The following CTBP2 variants were observed in gnomAD, a reference collection of about 807,000 sequenced individuals.
CTBP2 encodes the protein C-terminal-binding protein 2.
In CTBP2, 30 loss-of-function variants were observed where a neutral mutation model predicts 80.3. That is an observed-to-expected ratio of 0.37 (90% confidence interval 0.28 to 0.51). CTBP2 has a LOEUF of 0.51. CTBP2 is among the 20% of genes least tolerant of loss of function. The pLI is 0.93. For missense variants in CTBP2, 1,212 were observed against 1,375.3 expected (o/e 0.88, Z 1.88); for synonymous variants, 594 against 587.4 (o/e 1.01, Z -0.16).
intron 5 of CTBP2, 21 bp from the exon 8 acceptor site, chr10:124,994,006 C>CAACCG (rs774904727): frequency 6.2e-7 from 1 of 1,613,314 alleles, no homozygotes; most frequent in Admixed American, 1.7e-5. Context: ...AAAGAAAAGC[C>CAACCG]GGTTACAGGC....
At chr10:125,020,753 C>T (rs575727477) in intron 1 of CTBP2, among the ~76,000 whole-genome samples, 7 of 152,320 alleles carry the variant, frequency 4.6e-5, no homozygotes, top group Non-Finnish European at 7.4e-5. Flanking sequence ...CTGAGACTCA[C>T]GACCCCAGCC....
intron 8 of CTBP2, 42 bp from the exon 11 acceptor site, chr10:124,989,740 G>C (rs1952336026): frequency 6.6e-7 from 1 of 1,507,622 alleles, no homozygotes; most frequent in Non-Finnish European, 8.9e-7. Flanking sequence ...GTTCAGGGCA[G>C]AGTTGCCAAG....
At chr10:125,120,515 T>A (rs1292233235) in intron 1 of CTBP2, among the ~76,000 whole-genome samples, 1 of 152,108 alleles carries the variant, frequency 6.6e-6, no homozygotes, top group Non-Finnish European at 1.5e-5. Flanking sequence ...GCCTCCTGAG[T>A]AGCTGGGATT....
At chr10:125,061,190 C>A (rs937541740) in intron 2 of CTBP2, among the ~76,000 whole-genome samples, 5 of 152,248 alleles carry the variant, frequency 3.3e-5, no homozygotes, top group Non-Finnish European at 7.3e-5. Context: ...GTTTTCAGGG[C>A]TAAGCAAATT....
intron 1 of CTBP2, among the ~76,000 whole-genome samples, chr10:125,004,746 A>G (rs1955006772): frequency 6.6e-6 from 1 of 152,088 alleles, no homozygotes; most frequent in African/African-American, 2.4e-5. Flanking sequence ...GGTCCAGGCC[A>G]TTGCTCCAGG....
chr10:125,077,594 A>G (rs1846471655), intron 2 of CTBP2, among the ~76,000 whole-genome samples: 1 of 152,212 alleles, frequency 6.6e-6, no homozygotes, highest in South Asian at 2.1e-4. Flanking sequence ...GCCACATCCA[A>G]CAGCACATTC....
chr10:125,050,923 T>C (rs1317724250), intron 2 of CTBP2, among the ~76,000 whole-genome samples: 1 of 152,078 alleles, frequency 6.6e-6, no homozygotes, highest in African/African-American at 2.4e-5. Context: ...TGCACCAAAG[T>C]CCTCTGGAGA....
chr10:125,001,180 T>A (rs1263764169), intron 3 of CTBP2: 2 of 152,172 alleles, frequency 1.3e-5, no homozygotes, highest in African/African-American at 4.8e-5. Flanking sequence ...AAATAGGAAG[T>A]TCCACAGGCA....
At chr10:125,160,436 G>GC (rs929043878) in exon 1 of CTBP2, 10 of 151,534 alleles carry the variant, frequency 6.6e-5, no homozygotes, top group East Asian at 2.0e-4. Context: ...CGGCTGTGCG[G>GC]CCCCCCCTCA....
intron 1 of CTBP2, among the ~76,000 whole-genome samples, chr10:125,020,949 G>A (rs187632256): frequency 3.3e-5 from 5 of 152,346 alleles, no homozygotes; most frequent in African/African-American, 1.2e-4. Flanking sequence ...AGGCCTAGGA[G>A]AGCAGTCTTT....
intron 2 of CTBP2, among the ~76,000 whole-genome samples, chr10:125,054,224 G>A (rs1444235994): frequency 6.6e-6 from 1 of 152,224 alleles, no homozygotes; most frequent in Non-Finnish European, 1.5e-5. Context: ...TGGAATTCAT[G>A]TCCTTGTACA....
intron 2 of CTBP2, among the ~76,000 whole-genome samples, chr10:125,047,988 G>A (rs1961688745): frequency 1.3e-5 from 2 of 152,260 alleles, no homozygotes; most frequent in Non-Finnish European, 2.9e-5. Context: ...GCCTCAGAGA[G>A]GCCTGGAATC....
At position 125,026,509 on chromosome 10, in the gene CTBP2, C is replaced by A; in HGVS notation, c.1251G>T (p.Thr417=). 1 of 1,597,272 alleles carries A rather than the reference C, an allele frequency of 6.3e-7. No homozygotes were observed. Among genetic ancestry groups the A allele is most frequent in the Non-Finnish European group, 8.5e-7 (1 of 1,170,318 alleles). Residue 417 remains threonine (T), a synonymous_variant, in exon 1 of 9, where the codon ACG becomes ACT. Coordinates refer to ENST00000309035, the MANE Select transcript of CTBP2 (RefSeq NM_022802.3). ...CGCCAGGGGCAGAATAGGTGGCTGC[C>A]GTCTCCAGGAGGTGCTGAGATGGTG...
chr10:125,111,357 G>A (rs1231506305), intron 1 of CTBP2, among the ~76,000 whole-genome samples: 2 of 152,174 alleles, frequency 1.3e-5, no homozygotes, highest in East Asian at 3.8e-4. Context: ...GTGATATTGT[G>A]TCATCACCGT....
chr10:125,125,362 GAT>G (rs56664879), intron 1 of CTBP2, among the ~76,000 whole-genome samples: 31,046 of 152,108 alleles, frequency 0.2, 3,160 homozygotes, highest in South Asian at 0.22. Flanking sequence ...CAGAGAGACA[GAT>G]ATAAGCCTTA....
At chr10:125,013,504 A>C (rs897442408) in intron 1 of CTBP2, among the ~76,000 whole-genome samples, 1 of 152,172 alleles carries the variant, frequency 6.6e-6, no homozygotes, top group African/African-American at 2.4e-5. Flanking sequence ...ACCCAAACAC[A>C]CAGGGAGTCA....
rs999017574 is a variant in CTBP2 at position 125,050,433 on chromosome 10, C to T, written c.-101-11278G>A. Among the ~76,000 whole-genome samples, 27 of 152,178 alleles carry T rather than the reference C, an allele frequency of 1.8e-4. No individual in the cohort carries two copies. In the East Asian group the frequency reaches 2.3e-3, roughly 13 times the overall value. On this transcript the variant is annotated intron_variant, in intron 2 of 10. Transcript: ENST00000337195. ...TTGCAGCTATTCATTTTGCTTAACA[C>T]GGTTTTCACGTGGAAGACGGCTACG...
chr10:125,025,096 CA>C (rs1281871514), intron 1 of CTBP2, among the ~76,000 whole-genome samples: 1 of 151,672 alleles, frequency 6.6e-6, no homozygotes, highest in Non-Finnish European at 1.5e-5. Flanking sequence ...GGGCTATTTT[CA>C]AAAAGGTAGA....
rs1440303582 is a variant in CTBP2 at position 125,121,006 on chromosome 10, C to CATT, written c.-205-9916_-205-9914dup. On this transcript the variant is annotated intron_variant, in intron 1 of 10. Transcript: ENST00000337195. ...TCAACCCTTTATCTATTGCAAAAGG[C>CATT]ATTACATAAATGGGCTGCCTGTTCT... Among the ~76,000 whole-genome samples, 3 of 152,370 alleles carry CATT rather than the reference C, an allele frequency of 2.0e-5. No individual in the cohort carries two copies. The East Asian group carries it at 5.8e-4, about 29-fold the overall frequency.
Sources: gnomAD v4.1 joint callset for allele counts (sites outside exome capture counted in the v4.1 genomes callset) on GRCh38, gnomAD v4.1.1 for gene constraint, MANE v1.5 for transcripts, NCBI Gene and HGNC (gene_info 2026-07-23, HGNC 2026-07-21) for gene names.